Variants in POLDIP3 observed in about 807,000 individuals in gnomAD.
POLDIP3 encodes DNA polymerase delta interacting protein 3.
POLDIP3 carries 14 observed loss-of-function variants against 45.1 expected under a neutral mutation model. The ratio of observed to expected loss-of-function variants is 0.31; its 90% confidence interval spans 0.20 to 0.49. The LOEUF is 0.49. Ranked by LOEUF, POLDIP3 falls within the 20% of genes least tolerant of loss-of-function variation. The pLI is 0.99. For synonymous variants in POLDIP3, 223 were observed against 205.2 expected, an observed-to-expected ratio of 1.09 and a Z score of -0.74; for missense variants, 511 against 538.8, an observed-to-expected ratio of 0.95 and a Z score of 0.51.
At chr22:42,594,881 T>A (rs1412245893) in intron 6 of POLDIP3, among the ~76,000 whole-genome samples, 1 of 152,200 alleles carries the variant, frequency 6.6e-6, no homozygotes, top group African/African-American at 2.4e-5. Context: ...AACTATTGGA[T>A]ACTGCCCAGT....
At chr22:42,592,886 C>G (rs1925755486) in intron 6 of POLDIP3, among the ~76,000 whole-genome samples, 1 of 152,204 alleles carries the variant, frequency 6.6e-6, no homozygotes, top group Non-Finnish European at 1.5e-5. Context: ...TCTTCACCTG[C>G]AACTGCCTTC....
At chr22:42,595,776 C>T (rs1925947063) in intron 5 of POLDIP3, among the ~76,000 whole-genome samples, 162 bp from the exon 6 acceptor site, 1 of 152,172 alleles carries the variant, frequency 6.6e-6, no homozygotes, top group Non-Finnish European at 1.5e-5. Context: ...CACCCCCCAT[C>T]ACTCTATGCT....
At chr22:42,608,006 C>T (rs138220642) in intron 1 of POLDIP3, among the ~76,000 whole-genome samples, 2 of 151,982 alleles carry the variant, frequency 1.3e-5, no homozygotes, top group East Asian at 3.9e-4. Context: ...AGCCACCACC[C>T]CGTCTGGGAA....
rs1220749076 is a variant in POLDIP3 at position 42,601,357 on chromosome 22, G to GA, written c.537+612dup. On this transcript the variant is annotated intron_variant, in intron 3 of 8. Transcript: ENST00000252115. ...GCGAGACCCCGTTCTCCAGAAAAAG[G>GA]AAAAAAAAACAAAACAAAAGACAAA... 9.2e-3 allele frequency among the ~76,000 whole-genome samples: 624 copies of GA among 67,928 alleles called. 7 individuals carry two copies. The highest frequency in any genetic ancestry group is 0.029 in the African/African-American group (524 of 18,340). 44.6% of individuals were successfully genotyped at this position (67,928 alleles called of 152,430 possible).
chr22:42,596,097 C>G, intron 5 of POLDIP3, 89 bp downstream of exon 5: 2 of 1,439,212 alleles, frequency 1.4e-6, no homozygotes, highest in Non-Finnish European at 1.9e-6. Context: ...ATGCCCACCT[C>G]ACAAAGGCGT....
intron 1 of POLDIP3, among the ~76,000 whole-genome samples, chr22:42,608,828 C>T (rs1056963895): frequency 2.0e-5 from 3 of 152,092 alleles, no homozygotes; most frequent in East Asian, 1.9e-4. Flanking sequence ...GAGCTCCTCA[C>T]GGTGGGAGGG....
chr22:42,584,892 A>C lies in POLDIP3; in HGVS notation c.*899T>G, dbSNP rs1351501358. On this transcript the variant is annotated 3_prime_UTR_variant, in exon 9 of 9. Coordinates refer to ENST00000252115, the MANE Select transcript of POLDIP3 (RefSeq NM_032311.5). ...CAAACTGACCTCTTCCATTCAAATA[A>C]GCTCCAAACCCAAGCACTGCACAAT... The C allele has an allele frequency of 4.4e-6, 2 of 456,124 alleles. No homozygotes were observed. The highest frequency in any genetic ancestry group is 8.8e-6 in the Non-Finnish European group (2 of 226,974). The allele number at this position is 456,124 out of a possible 1,614,324, so 28.3% of individuals were successfully genotyped here.
intron 7 of POLDIP3, 108 bp from the exon 8 acceptor site, chr22:42,587,680 C>G (rs1288377214): frequency 4.8e-6 from 5 of 1,039,242 alleles, no homozygotes; most frequent in Non-Finnish European, 7.4e-6. Flanking sequence ...CCACCACTGG[C>G]AGTTCTGGCT....
chr22:42,596,891 G>A (rs745589463), intron 4 of POLDIP3, among the ~76,000 whole-genome samples: 1 of 151,998 alleles, frequency 6.6e-6, no homozygotes, highest in Non-Finnish European at 1.5e-5. Context: ...CTGTGGAGTA[G>A]CCATTCTTTT....
intron 8 of POLDIP3, 141 bp from the exon 9 acceptor site, chr22:42,586,109 C>T (rs1484092074): frequency 2.7e-6 from 2 of 748,464 alleles, no homozygotes; most frequent in Middle Eastern, 3.7e-4. Flanking sequence ...TTCCACCTCG[C>T]AGCAAACTCA....
chr22:42,610,690 T>C (rs1167136113), intron 1 of POLDIP3, among the ~76,000 whole-genome samples: 1 of 152,046 alleles, frequency 6.6e-6, no homozygotes, highest in Non-Finnish European at 1.5e-5. Context: ...ACTGCTTGAG[T>C]CCAGGAGTTC....
intron 7 of POLDIP3, among the ~76,000 whole-genome samples, chr22:42,589,012 G>A (rs1316126211): frequency 6.6e-6 from 1 of 152,144 alleles, no homozygotes; most frequent in African/African-American, 2.4e-5. Context: ...AGGCTGAGAT[G>A]GGCAGATCAC....
intron 7 of POLDIP3, 104 bp downstream of exon 7, chr22:42,591,851 A>C (rs1055656518): frequency 1.3e-5 from 19 of 1,474,318 alleles, no homozygotes; most frequent in Middle Eastern, 1.8e-4. Context: ...GGCCCCAGAG[A>C]TGGGTTCCAC....
Position 42,585,634 on chromosome 22 carries a change from A to C in POLDIP3, c.*157T>G, listed in dbSNP as rs964051594. The C allele has an allele frequency of 7.1e-5, 58 of 813,776 alleles. No individual in the cohort carries two copies. The Admixed American group carries it at 1.0e-3, about 15-fold the overall frequency. 50.4% of individuals were successfully genotyped at this position (813,776 alleles called of 1,614,324 possible). ...GAGCACAGGGCAGAACACAACACAG[A>C]AAGGCGGGTCCCATCCAGTGAGGAA... On this transcript the variant is annotated 3_prime_UTR_variant, in exon 9 of 9. Transcript: ENST00000252115.
intron 5 of POLDIP3, 55 bp downstream of exon 5, chr22:42,596,131 T>TATAA: frequency 1.3e-6 from 2 of 1,564,882 alleles, no homozygotes; most frequent in Non-Finnish European, 1.8e-6. Flanking sequence ...ATGAGGTACA[T>TATAA]ATAAGCATAC....
In POLDIP3 at chr22:42,585,352, C is replaced by G. The variant is rs1228758279; in HGVS notation, c.*439G>C. The G allele has an allele frequency of 2.3e-6, 1 of 444,138 alleles. No individual in the cohort carries two copies. The highest frequency in any genetic ancestry group is 4.5e-6 in the Non-Finnish European group (1 of 223,118). The allele number at this position is 444,138 out of a possible 1,614,324, so 27.5% of individuals were successfully genotyped here. On this transcript the variant is annotated 3_prime_UTR_variant, in exon 9 of 9. Transcript: ENST00000252115. ...TCAGGACACCAGGGCTCTCCATCCC[C>G]TCCATTGTTTGAAAAGCTTAATACA...
chr22:42,588,816 T>C (rs1440126085), intron 7 of POLDIP3, among the ~76,000 whole-genome samples: 1 of 152,074 alleles, frequency 6.6e-6, no homozygotes, highest in Non-Finnish European at 1.5e-5. Context: ...TTAGTAGAGA[T>C]GGGGTTTCCT....
chr22:42,595,482 C>A (rs1925927919), intron 6 of POLDIP3, 55 bp downstream of exon 6: 1 of 1,527,746 alleles, frequency 6.5e-7, no homozygotes, highest in African/African-American at 1.4e-5. Context: ...TCTTAAGAGA[C>A]CTTTGCCACA....
chr22:42,612,094 C>T (rs1927156339), intron 1 of POLDIP3, among the ~76,000 whole-genome samples: 1 of 152,162 alleles, frequency 6.6e-6, no homozygotes. Flanking sequence ...TCTGCCTGCA[C>T]TCTTTGCCCC....
Sources: allele counts gnomAD v4.1 joint callset (sites outside exome capture counted in the v4.1 genomes callset), GRCh38; gene constraint gnomAD v4.1.1; transcripts MANE v1.5; gene names NCBI Gene and HGNC (gene_info 2026-07-23, HGNC 2026-07-21).